EYS: variants seen among roughly 807,000 people sequenced by gnomAD.
EYS encodes protein eyes shut homolog.
Under a neutral mutation model 282.1 loss-of-function variants are expected in EYS, and 250 were observed. That is an observed-to-expected ratio of 0.89 (90% CI 0.80 to 0.98). The LOEUF (loss-of-function observed/expected upper bound fraction) is 0.98, where lower values mean the gene tolerates loss of function less well. Among genes scored for constraint, EYS ranks in the 50% least tolerant of loss-of-function variants. The pLI is 0.00. For synonymous variants in EYS, 1,355 were observed against 1,282.9 expected (o/e 1.06, Z -1.20); for missense variants, 4,016 against 3,709.0 (o/e 1.08, Z -2.15).
chr6:64,894,721 A>G (rs1285525458), intron 18 of EYS, among the ~76,000 whole-genome samples: 1 of 152,144 alleles, frequency 6.6e-6, no homozygotes, highest in Admixed American at 6.6e-5. Context: ...TGACTGTTCT[A>G]TGGTGAAAGA....
chr6:65,547,044 G>A (rs1768418530), intron 2 of EYS, among the ~76,000 whole-genome samples: 1 of 151,832 alleles, frequency 6.6e-6, no homozygotes, highest in South Asian at 2.1e-4. Flanking sequence ...AGACAATGTC[G>A]AGAATGCCAC....
intron 2 of EYS, among the ~76,000 whole-genome samples, chr6:65,582,800 G>A (rs1469728895): frequency 6.6e-6 from 1 of 152,082 alleles, no homozygotes; most frequent in Non-Finnish European, 1.5e-5. Flanking sequence ...TGTAATAAGT[G>A]ACAAAGAAAT....
intron 24 of EYS, among the ~76,000 whole-genome samples, chr6:64,606,713 C>G (rs976057300): frequency 6.6e-6 from 1 of 151,992 alleles, no homozygotes; most frequent in African/African-American, 2.4e-5. Context: ...GTGAGTCAGC[C>G]TTATAGTCAG....
At chr6:65,302,677 T>A (rs1768880149) in intron 11 of EYS, 1 of 1,402,344 alleles carries the variant, frequency 7.1e-7, no homozygotes, top group East Asian at 2.3e-5. Flanking sequence ...TGTGCAGGTT[T>A]CGGCACATGG....
intron 35 of EYS, among the ~76,000 whole-genome samples, chr6:63,909,326 T>G: frequency 6.6e-6 from 1 of 152,232 alleles, no homozygotes; most frequent in African/African-American, 2.4e-5. Context: ...CATTTATCTA[T>G]CATCTATTTC....
At chr6:64,727,605 A>G (rs950198798) in intron 22 of EYS, among the ~76,000 whole-genome samples, 2 of 152,236 alleles carry the variant, frequency 1.3e-5, no homozygotes, top group African/African-American at 4.8e-5. Context: ...CTTGTGAATG[A>G]AGATAAAAAT....
intron 12 of EYS, among the ~76,000 whole-genome samples, chr6:65,164,271 G>A (rs777662834): frequency 1.3e-5 from 2 of 151,174 alleles, no homozygotes; most frequent in Admixed American, 6.6e-5. Context: ...GAAATCATGC[G>A]TATGTTATAT....
At chr6:65,302,630 T>C in intron 11 of EYS, 1 of 1,233,178 alleles carries the variant, frequency 8.1e-7, no homozygotes, top group Non-Finnish European at 1.2e-6. Context: ...TGAAACTGTT[T>C]GCACATTATG....
At chr6:64,849,593 G>A (rs1421389750) in intron 19 of EYS, among the ~76,000 whole-genome samples, 1 of 151,818 alleles carries the variant, frequency 6.6e-6, no homozygotes, top group Non-Finnish European at 1.5e-5. Flanking sequence ...TTTCTCCTTA[G>A]GGTCTTACCA....
chr6:64,950,834 T>TATATATAG (rs1491182951), intron 14 of EYS, among the ~76,000 whole-genome samples: 1 of 81,200 alleles, frequency 1.2e-5, no homozygotes, highest in African/African-American at 4.5e-5. Context: ...TATATATATA[T>TATATATAG]TGTTGAATTG....
chr6:65,592,988 C>A (rs544953498), intron 2 of EYS, among the ~76,000 whole-genome samples: 1 of 151,928 alleles, frequency 6.6e-6, no homozygotes, highest in South Asian at 2.1e-4. Flanking sequence ...TCCAGTAACT[C>A]CAGCAATAGG....
chr6:65,236,786 A>T (rs1361810264), intron 12 of EYS, among the ~76,000 whole-genome samples: 1 of 152,134 alleles, frequency 6.6e-6, no homozygotes, highest in Non-Finnish European at 1.5e-5. Context: ...TTTTCCTCAA[A>T]GCTAATTACT....
intron 5 of EYS, among the ~76,000 whole-genome samples, chr6:65,435,510 T>C (rs2150387725): frequency 6.6e-6 from 1 of 152,224 alleles, no homozygotes; most frequent in African/African-American, 2.4e-5. Flanking sequence ...TCTTATGGAA[T>C]TACTAAGTAA....
At chr6:65,505,103 A>C (rs1304859326) in intron 2 of EYS, among the ~76,000 whole-genome samples, 1 of 151,936 alleles carries the variant, frequency 6.6e-6, no homozygotes, top group East Asian at 1.9e-4. Context: ...AGGCCTATTC[A>C]GATGATCTTT....
At chr6:65,488,404 T>C (rs1224276848) in intron 5 of EYS, among the ~76,000 whole-genome samples, 3 of 152,124 alleles carry the variant, frequency 2.0e-5, no homozygotes, top group African/African-American at 7.2e-5. Context: ...AAAAAACATC[T>C]TTATTTCTGC....
At chr6:65,140,269 G>C (rs1174241752) in intron 12 of EYS, among the ~76,000 whole-genome samples, 1 of 151,712 alleles carries the variant, frequency 6.6e-6, no homozygotes, top group Non-Finnish European at 1.5e-5. Context: ...CAGGAGAATG[G>C]AAAAGGCAGA....
chr6:65,480,968 G>C (rs1765585527), intron 5 of EYS, among the ~76,000 whole-genome samples: 1 of 152,146 alleles, frequency 6.6e-6, no homozygotes, highest in Admixed American at 6.5e-5. Context: ...AGGGTAGGGA[G>C]AAGGAGGATA....
intron 13 of EYS, among the ~76,000 whole-genome samples, chr6:65,033,360 A>G (rs1166580145): frequency 6.6e-6 from 1 of 152,206 alleles, no homozygotes; most frequent in African/African-American, 2.4e-5. Context: ...CCAAGTGCCA[A>G]TAGCCAGAGC....
At chr6:64,613,879 T>C (rs1191486221) in intron 24 of EYS, among the ~76,000 whole-genome samples, 2 of 152,160 alleles carry the variant, frequency 1.3e-5, no homozygotes. Context: ...GAGCATTCTG[T>C]TCCTCTTAAC....
Sources: allele counts gnomAD v4.1 joint callset (sites outside exome capture counted in the v4.1 genomes callset), GRCh38; gene constraint gnomAD v4.1.1; transcripts MANE v1.5; gene names NCBI Gene and HGNC (gene_info 2026-07-23, HGNC 2026-07-21).